Variants in HMGN5 observed in about 807,000 individuals in gnomAD.
HMGN5 encodes the protein high mobility group nucleosome binding domain 5, also known as high mobility group nucleosome-binding domain-containing protein 5.
HMGN5 carries 4 observed loss-of-function variants against 9.5 expected under a neutral mutation model. The ratio of observed to expected loss-of-function variants is 0.42; its 90% CI spans 0.21 to 0.96. The LOEUF (loss-of-function observed/expected upper bound fraction) is 0.96. Ranked by LOEUF, HMGN5 falls within the 40% of genes least tolerant of loss-of-function variation. HMGN5 has a pLI of 0.30. For missense variants in HMGN5, 192 were observed against 187.5 expected (o/e 1.02, Z -0.14); for synonymous variants, 55 against 57.1 (o/e 0.96, Z 0.16).
intron 1 of HMGN5, among the ~76,000 whole-genome samples, chrX:81,183,352 A>T (rs1360334220): frequency 8.9e-6 from 1 of 112,426 alleles, no homozygotes; most frequent in East Asian, 2.8e-4. Context: ...ACAGGCCTGG[A>T]GGCCTAGGAG....
In HMGN5 at chrX:81,118,469, G is replaced by A. The variant is rs2147535592; in HGVS notation, c.92C>T (p.Thr31Ile). The change falls in exon 5 of 7, where the codon ACA becomes ATA. Residue 31 changes from threonine (T) to isoleucine (I), a missense_variant. Transcript: ENST00000358130. ...ARLSAMLVPV[T>I]PEVKPKRTSS... ...TGTTCTTTTAGGCTTCACCTCTGGT[G>A]TAACTGGCACAAGCATCTGCTTCAA... 17 of 1,182,093 alleles carry A rather than the reference G, an allele frequency of 1.4e-5. No homozygotes were observed. The highest frequency in any genetic ancestry group is 3.0e-5 in the East Asian group (1 of 33,327).
At chrX:81,189,735 G>C (rs1024384744) in intron 1 of HMGN5, among the ~76,000 whole-genome samples, 3 of 111,862 alleles carry the variant, frequency 2.7e-5, no homozygotes, top group East Asian at 2.8e-4. Flanking sequence ...AACTCCTTTG[G>C]AGAAACACCA....
chrX:81,176,598 T>C (rs2075442605), intron 1 of HMGN5, among the ~76,000 whole-genome samples: 1 of 111,529 alleles, frequency 9.0e-6, no homozygotes, highest in Non-Finnish European at 1.9e-5. Flanking sequence ...TTAAATGACC[T>C]GATGGAGCTG....
intron 1 of HMGN5, among the ~76,000 whole-genome samples, chrX:81,178,745 C>CA (rs1429916949): frequency 2.7e-5 from 3 of 110,834 alleles, no homozygotes; most frequent in South Asian, 3.8e-4. Context: ...AAAGACACAA[C>CA]AAAAAAAGGG....
intron 1 of HMGN5, among the ~76,000 whole-genome samples, chrX:81,169,465 G>C (rs1341614393): frequency 1.8e-5 from 2 of 111,319 alleles, no homozygotes; most frequent in African/African-American, 6.5e-5. Flanking sequence ...CATACTTGGA[G>C]AACTGCTTGA....
At chrX:81,199,312 C>A (rs895543921) in intron 1 of HMGN5, among the ~76,000 whole-genome samples, 3 of 110,365 alleles carry the variant, frequency 2.7e-5, no homozygotes, top group Non-Finnish European at 3.8e-5. Flanking sequence ...TCCAAAGTAA[C>A]TTATAGATTC....
At chrX:81,171,345 A>G (rs886133344) in intron 1 of HMGN5, among the ~76,000 whole-genome samples, 1 of 111,695 alleles carries the variant, frequency 9.0e-6, no homozygotes, top group Admixed American at 9.5e-5. Context: ...TGACTATATA[A>G]ACTTTTGATT....
chrX:81,138,777 T>C (rs1264313983), intron 1 of HMGN5, among the ~76,000 whole-genome samples: 2 of 112,089 alleles, frequency 1.8e-5, no homozygotes, highest in Non-Finnish European at 3.8e-5. Context: ...AATAAGTGTG[T>C]TCAGTAAGTT....
At chrX:81,160,820 T>A (rs1197225312) in intron 1 of HMGN5, among the ~76,000 whole-genome samples, 1 of 111,749 alleles carries the variant, frequency 8.9e-6, no homozygotes, top group Admixed American at 9.6e-5. Flanking sequence ...TAAATAGTGC[T>A]TGTGTGCAGA....
At position 81,166,877 on chromosome X, in the gene HMGN5, C is replaced by T. The variant is rs374505433; in HGVS notation, c.-124+34860G>A. ...AGCCCAGCTACATGAACAACAAGGTCCCAAACAGCCATTTCAGTATAATTG... is the reference window on the plus strand; with the variant it reads ...AGCCCAGCTACATGAACAACAAGGTTCCAAACAGCCATTTCAGTATAATTG... On this transcript the variant is annotated intron_variant, in intron 1 of 6. Coordinates refer to ENST00000358130, the MANE Select transcript of HMGN5 (RefSeq NM_030763.3). Among the ~76,000 whole-genome samples the T allele has an allele frequency of 1.3e-4, 15 of 111,412 alleles. No homozygotes were observed. In the East Asian group the frequency reaches 2.8e-3, roughly 21 times the overall value.
At chrX:81,152,592 C>T (rs2147563429) in intron 1 of HMGN5, among the ~76,000 whole-genome samples, 1 of 110,981 alleles carries the variant, frequency 9.0e-6, no homozygotes, top group South Asian at 3.8e-4. Context: ...TGTGGTGATC[C>T]CTCAGGGATC....
intron 1 of HMGN5, among the ~76,000 whole-genome samples, chrX:81,178,899 A>C (rs1182667891): frequency 8.9e-6 from 1 of 111,876 alleles, no homozygotes; most frequent in Non-Finnish European, 1.9e-5. Context: ...GGTTCAAAAT[A>C]CACAAATCAA....
chrX:81,159,583 C>A (rs1387211197), intron 1 of HMGN5, among the ~76,000 whole-genome samples: 5 of 110,962 alleles, frequency 4.5e-5, no homozygotes. Flanking sequence ...AATCAATAAC[C>A]ATTTGAGCCA....
chrX:81,164,639 G>A (rs1431623379), intron 1 of HMGN5, among the ~76,000 whole-genome samples: 1 of 111,256 alleles, frequency 9.0e-6, no homozygotes, highest in African/African-American at 3.3e-5. Flanking sequence ...AAGGCAACTG[G>A]CAAATTTGTA....
At position 81,118,481 on chromosome X, in the gene HMGN5, A is replaced by G. The variant is rs2075260228; in HGVS notation, c.80T>C (p.Leu27Pro). The G allele has an allele frequency of 8.5e-7, 1 of 1,176,937 alleles. No individual in the cohort carries two copies. The highest frequency in any genetic ancestry group is 3.0e-5 in the East Asian group (1 of 33,431). ...CTTCACCTCTGGTGTAACTGGCACAAGCATCTGCTTCAAGTTGTGGGAAAA... is the reference window on the plus strand; with the variant it reads ...CTTCACCTCTGGTGTAACTGGCACAGGCATCTGCTTCAAGTTGTGGGAAAA... The part of the protein sequence containing the change: ...KRRSARLSAM[L>P]VPVTPEVKPK... Residue 27 changes from leucine (L) to proline (P), a missense_variant, in exon 5 of 7, where the codon CTT (leucine) becomes CCT (proline). Coordinates refer to ENST00000358130, the MANE Select transcript of HMGN5 (RefSeq NM_030763.3).
intron 2 of HMGN5, among the ~76,000 whole-genome samples, chrX:81,120,366 C>T (rs2075265421): frequency 9.0e-6 from 1 of 111,314 alleles, no homozygotes; most frequent in African/African-American, 3.3e-5. Context: ...TTAAAACTTC[C>T]CGCCACTACC....
chrX:81,200,035 AAAAC>A (rs1180233309), intron 1 of HMGN5, among the ~76,000 whole-genome samples: 13 of 112,458 alleles, frequency 1.2e-4, no homozygotes, highest in Non-Finnish European at 7.5e-5. Context: ...TTACAAGAAA[AAAAC>A]AACCCCATCA....
chrX:81,186,196 T>A (rs1183138311), intron 1 of HMGN5, among the ~76,000 whole-genome samples: 1 of 112,013 alleles, frequency 8.9e-6, no homozygotes, highest in Admixed American at 9.5e-5. Context: ...GTATTAATTC[T>A]TCTTTATATG....
intron 1 of HMGN5, among the ~76,000 whole-genome samples, chrX:81,166,020 G>T (rs751614169): frequency 1.1e-4 from 12 of 110,674 alleles, no homozygotes; most frequent in Non-Finnish European, 2.1e-4. Context: ...CTCTCTGTGT[G>T]GGGGAGATGG....
Sources: gnomAD v4.1 joint callset for allele counts (sites outside exome capture counted in the v4.1 genomes callset) on GRCh38, gnomAD v4.1.1 for gene constraint, MANE v1.5 for transcripts, NCBI Gene and HGNC (gene_info 2026-07-23, HGNC 2026-07-21) for gene names.